The following MTBP variants were observed in gnomAD, a reference collection of about 807,000 sequenced individuals.
MTBP encodes MDM2 binding protein.
MTBP carries 101 observed loss-of-function variants against 117.0 expected under a neutral mutation model. The ratio of observed to expected loss-of-function variants is 0.86; its 90% CI spans 0.73 to 1.02. The LOEUF is 1.02. Among genes scored for constraint, MTBP ranks in the 50% least tolerant of loss-of-function variants. The probability of loss-of-function intolerance (pLI) is 0.00; values close to 1 mark genes in which losing one functional copy is unlikely to be tolerated. For synonymous variants in MTBP, 350 were observed against 351.5 expected, an observed-to-expected ratio of 1.00 and a Z score of 0.05; for missense variants, 970 against 1,030.9, an observed-to-expected ratio of 0.94 and a Z score of 0.81.
At position 120,445,594 on chromosome 8, in the gene MTBP, C is replaced by A; in HGVS notation, c.118+6C>A. 6.3e-7 allele frequency: 1 copy of A among 1,594,914 alleles called. No individual in the cohort carries two copies. The highest frequency in any genetic ancestry group is 1.7e-4 in the Middle Eastern group (1 of 5,972). On this transcript the variant is annotated splice_donor_region_variant and intron_variant, in intron 1 of 21. Transcript: ENST00000305949. Reference sequence around the variant, plus strand: ...GGGTACTGAGAATCAGCCGGGTAAGCGCTGGGATGAGAAAGAGCGGGAACG... The same window carrying A: ...GGGTACTGAGAATCAGCCGGGTAAGAGCTGGGATGAGAAAGAGCGGGAACG...
chr8:120,503,692 T>C (rs938223417), intron 15 of MTBP, among the ~76,000 whole-genome samples: 1 of 152,086 alleles, frequency 6.6e-6, no homozygotes, highest in Non-Finnish European at 1.5e-5. Context: ...GCAAATAAAT[T>C]GCAGGAGGGA....
chr8:120,520,524 AC>A, intron 20 of MTBP, among the ~76,000 whole-genome samples: 1 of 152,178 alleles, frequency 6.6e-6, no homozygotes. Context: ...CAAAAATATA[AC>A]AAAGTTTTCC....
intron 20 of MTBP, among the ~76,000 whole-genome samples, chr8:120,521,369 T>C (rs759057918): frequency 2.2e-4 from 34 of 152,196 alleles, no homozygotes; most frequent in Non-Finnish European, 1.9e-4. Context: ...TTTACATAGA[T>C]ACAATAGTGT....
At chr8:120,503,367 A>G (rs1234248328) in intron 15 of MTBP, among the ~76,000 whole-genome samples, 1 of 152,186 alleles carries the variant, frequency 6.6e-6, no homozygotes, top group African/African-American at 2.4e-5. Context: ...AAGTAACCAG[A>G]CAAGTAAATG....
At chr8:120,495,077 TCTC>T (rs1427871851) in intron 13 of MTBP, among the ~76,000 whole-genome samples, 1 of 152,142 alleles carries the variant, frequency 6.6e-6, no homozygotes, top group East Asian at 1.9e-4. Context: ...GACCCCTTAT[TCTC>T]CTTTTTCTTG....
At chr8:120,454,276 G>A (rs1343383202) in intron 5 of MTBP, among the ~76,000 whole-genome samples, 2 of 152,064 alleles carry the variant, frequency 1.3e-5, no homozygotes, top group African/African-American at 4.8e-5. Context: ...TAGCCTTGAT[G>A]ATTTGGATAA....
chr8:120,485,495 A>G lies in MTBP; in HGVS notation c.1166-2664A>G, dbSNP rs377385866. 7.3e-4 allele frequency among the ~76,000 whole-genome samples: 111 copies of G among 151,944 alleles called. 1 individual carries two copies. Among genetic ancestry groups the G allele is most frequent in the African/African-American group, 2.6e-3 (106 of 41,460 alleles). ...GTTTTTATTTTATATCTTTTCATCT[A>G]TGTTCTCTATTTGATGAGACATTGT... On this transcript the variant is annotated intron_variant, in intron 11 of 21. Coordinates refer to ENST00000305949, the MANE Select transcript of MTBP (RefSeq NM_022045.5).
chr8:120,484,475 A>G (rs1814167364), intron 11 of MTBP, among the ~76,000 whole-genome samples: 1 of 152,070 alleles, frequency 6.6e-6, no homozygotes, highest in South Asian at 2.1e-4. Context: ...CTTTCTTAGT[A>G]TTTTGGGATG....
At chr8:120,482,428 T>C (rs560754115) in intron 11 of MTBP, among the ~76,000 whole-genome samples, 25 of 152,272 alleles carry the variant, frequency 1.6e-4, no homozygotes, top group African/African-American at 6.0e-4. Flanking sequence ...CAATCTTCTA[T>C]GCTTCTGTGT....
rs150235295 is a variant in MTBP, at chr8:120,487,417, G to A, written c.1166-742G>A. Among the ~76,000 whole-genome samples the A allele has an allele frequency of 2.7e-4, 41 of 152,202 alleles. No individual in the cohort carries two copies. The Middle Eastern group carries it at 0.017, about 63-fold the overall frequency. Reference sequence around the variant, plus strand: ...TTTCTGCTTTCAAATTTTAGTTGTCGTTGTCTCTTCCAGATATTAGTTCTT... The same window carrying A: ...TTTCTGCTTTCAAATTTTAGTTGTCATTGTCTCTTCCAGATATTAGTTCTT... On this transcript the variant is annotated intron_variant, in intron 11 of 21. Coordinates refer to ENST00000305949, the MANE Select transcript of MTBP (RefSeq NM_022045.5).
At chr8:120,453,413 C>T (rs886420130) in intron 4 of MTBP, among the ~76,000 whole-genome samples, 1 of 152,030 alleles carries the variant, frequency 6.6e-6, no homozygotes, top group African/African-American at 2.4e-5. Context: ...TGCCACTGCA[C>T]TCCAGCCTGC....
rs1813200648 is a variant in MTBP at position 120,445,443 on chromosome 8, CTA to C, written c.-27_-26del. 3 of 1,595,882 alleles carry C rather than the reference CTA, an allele frequency of 1.9e-6. No individual in the cohort carries two copies. The highest frequency in any genetic ancestry group is 1.7e-6 in the Non-Finnish European group (2 of 1,165,646). Reference sequence around the variant, plus strand: ...TCTGTTTGGATGTGGAAGCCGAGACCTAAAGTTGGGGGGTGATCTCTGAGGAG... The same window carrying C: ...TCTGTTTGGATGTGGAAGCCGAGACCAAGTTGGGGGGTGATCTCTGAGGAG... On this transcript the variant is annotated 5_prime_UTR_variant, in exon 1 of 22. The change abolishes the stop of an existing upstream ORF in the 5' untranslated region. Transcript: ENST00000305949.
At chr8:120,491,179 T>G (rs1386177827) in intron 13 of MTBP, among the ~76,000 whole-genome samples, 2 of 152,142 alleles carry the variant, frequency 1.3e-5, no homozygotes, top group Non-Finnish European at 2.9e-5. Flanking sequence ...TGAACTTATT[T>G]ATGGTTATGT....
At chr8:120,491,339 A>G (rs1814342310) in intron 13 of MTBP, among the ~76,000 whole-genome samples, 1 of 152,150 alleles carries the variant, frequency 6.6e-6, no homozygotes, top group Non-Finnish European at 1.5e-5. Context: ...TCAGTAGCCT[A>G]CCTATTCAAT....
intron 18 of MTBP, 69 bp downstream of exon 18, chr8:120,516,260 A>G: frequency 7.7e-7 from 1 of 1,299,038 alleles, no homozygotes; most frequent in Non-Finnish European, 1.0e-6. Flanking sequence ...TTTTTATTTT[A>G]TTTTATATTA....
intron 10 of MTBP, among the ~76,000 whole-genome samples, chr8:120,466,211 CTTTTT>C (rs33994178): frequency 7.0e-5 from 9 of 128,106 alleles, no homozygotes; most frequent in Admixed American, 7.9e-5. Context: ...GTTTTTTACT[CTTTTT>C]TTTTTTTTTT....
intron 1 of MTBP, among the ~76,000 whole-genome samples, chr8:120,445,962 A>G (rs1813216654): frequency 2.0e-5 from 3 of 152,194 alleles, no homozygotes; most frequent in African/African-American, 7.2e-5. Flanking sequence ...CTGTCCTACA[A>G]TTTACATCTA....
At chr8:120,480,041 T>C (rs1814040888) in intron 11 of MTBP, among the ~76,000 whole-genome samples, 1 of 151,962 alleles carries the variant, frequency 6.6e-6, no homozygotes, top group African/African-American at 2.4e-5. Flanking sequence ...AAAACATTAC[T>C]GAGAGTAACT....
chr8:120,452,701 G>A (rs144614281), intron 4 of MTBP: 1 of 152,110 alleles, frequency 6.6e-6, no homozygotes, highest in African/African-American at 2.4e-5. Flanking sequence ...GTGGTGGCAG[G>A]TGTCTGTAAT....
Sources: gnomAD v4.1 joint callset for allele counts (sites outside exome capture counted in the v4.1 genomes callset) on GRCh38, gnomAD v4.1.1 for gene constraint, MANE v1.5 for transcripts, NCBI Gene and HGNC (gene_info 2026-07-23, HGNC 2026-07-21) for gene names.